The following GPR158 variants were observed in gnomAD, a reference collection of about 807,000 sequenced individuals.
GPR158 encodes the protein G protein-coupled receptor 158, also known as metabotropic glycine receptor.
Under a neutral mutation model 78.2 loss-of-function variants are expected in GPR158, and 30 were observed. That is an observed-to-expected ratio of 0.38 (90% CI 0.29 to 0.52). The LOEUF (loss-of-function observed/expected upper bound fraction) is 0.52. GPR158 is among the 20% of genes least tolerant of loss of function. GPR158 has a pLI of 0.83. For synonymous variants in GPR158, 581 were observed against 591.1 expected, an observed-to-expected ratio of 0.98 and a Z score of 0.25; for missense variants, 1,463 against 1,523.5, an observed-to-expected ratio of 0.96 and a Z score of 0.66.
At chr10:25,310,230 C>T (rs557188473) in intron 2 of GPR158, among the ~76,000 whole-genome samples, 108 of 152,274 alleles carry the variant, frequency 7.1e-4, no homozygotes, top group African/African-American at 2.3e-3. Flanking sequence ...TTCATATCTG[C>T]GCTCTCTGTT....
chr10:25,396,073 G>A (rs997586740), intron 3 of GPR158, 60 bp downstream of exon 3: 33 of 718,136 alleles, frequency 4.6e-5, no homozygotes, highest in Middle Eastern at 3.2e-4. Context: ...CTATTATTAC[G>A]AAGATTTTCT....
At chr10:25,259,983 G>A (rs1853946054) in intron 2 of GPR158, among the ~76,000 whole-genome samples, 1 of 151,824 alleles carries the variant, frequency 6.6e-6, no homozygotes, top group Non-Finnish European at 1.5e-5. Flanking sequence ...TATTGTCTGT[G>A]TATAATGACA....
chr10:25,599,380 T>C lies in GPR158; in HGVS notation c.*106T>C. On this transcript the variant is annotated 3_prime_UTR_variant, in exon 11 of 11. Transcript: ENST00000376351. Reference sequence around the variant, plus strand: ...GAGGATTTGTCAATCAAGGAAAACATGACAGATGGTGAGGTAAAGTCAAAG... The same window carrying C: ...GAGGATTTGTCAATCAAGGAAAACACGACAGATGGTGAGGTAAAGTCAAAG... 1 of 872,646 alleles carries C rather than the reference T, an allele frequency of 1.1e-6. No homozygotes were observed. The highest frequency in any genetic ancestry group is 2.5e-5 in the East Asian group (1 of 40,452). The allele number at this position is 872,646 out of a possible 1,614,324, so 54.1% of individuals were successfully genotyped here.
chr10:25,320,065 C>T (rs1224357417), intron 2 of GPR158, among the ~76,000 whole-genome samples: 1 of 152,152 alleles, frequency 6.6e-6, no homozygotes, highest in East Asian at 1.9e-4. Context: ...CCAGCCCCGT[C>T]GAGTCACACT....
At chr10:25,185,779 C>T (rs190640980) in intron 1 of GPR158, among the ~76,000 whole-genome samples, 57 of 151,872 alleles carry the variant, frequency 3.8e-4, no homozygotes, top group African/African-American at 1.3e-3. Flanking sequence ...GCCGAGATGG[C>T]ACCACTGCAC....
At chr10:25,502,401 T>C (rs942773690) in intron 5 of GPR158, among the ~76,000 whole-genome samples, 1 of 152,096 alleles carries the variant, frequency 6.6e-6, no homozygotes. Flanking sequence ...AACTGTGGGG[T>C]ACAACCAAAA....
At chr10:25,434,461 A>G (rs1197868739) in intron 4 of GPR158, among the ~76,000 whole-genome samples, 3 of 152,240 alleles carry the variant, frequency 2.0e-5, no homozygotes, top group Non-Finnish European at 4.4e-5. Flanking sequence ...TGAGACATAA[A>G]TCGTTGGTGG....
At chr10:25,354,599 A>G (rs900418409) in intron 2 of GPR158, among the ~76,000 whole-genome samples, 11 of 152,124 alleles carry the variant, frequency 7.2e-5, no homozygotes, top group Non-Finnish European at 1.6e-4. Context: ...ATTGCATACT[A>G]CAATTCCAGT....
intron 7 of GPR158, among the ~76,000 whole-genome samples, chr10:25,577,007 A>AAAAAT (rs1837109043): frequency 6.6e-6 from 1 of 150,442 alleles, no homozygotes; most frequent in Non-Finnish European, 1.5e-5. Flanking sequence ...CATAATTTTA[A>AAAAAT]AAAATAATAT....
chr10:25,497,458 G>T (rs1313990732), intron 5 of GPR158, among the ~76,000 whole-genome samples: 1 of 152,184 alleles, frequency 6.6e-6, no homozygotes, highest in African/African-American at 2.4e-5. Flanking sequence ...AGTTGAATTT[G>T]ACAATAGGGA....
chr10:25,317,182 T>G (rs1196133834), intron 2 of GPR158, among the ~76,000 whole-genome samples: 5 of 151,830 alleles, frequency 3.3e-5, no homozygotes, highest in Admixed American at 3.3e-4. Context: ...GTAATTGGGA[T>G]TACAGGCAGG....
chr10:25,306,832 C>T (rs1854682817), intron 2 of GPR158, among the ~76,000 whole-genome samples: 3 of 152,048 alleles, frequency 2.0e-5, no homozygotes, highest in African/African-American at 7.2e-5. Flanking sequence ...CATTTTTCAC[C>T]TGGTCTAATG....
intron 6 of GPR158, among the ~76,000 whole-genome samples, chr10:25,556,770 C>T (rs937218444): frequency 5.3e-5 from 8 of 152,178 alleles, no homozygotes; most frequent in African/African-American, 1.9e-4. Flanking sequence ...CATACACCCA[C>T]GCTTCAGATA....
At chr10:25,292,696 G>A (rs2130766223) in intron 2 of GPR158, among the ~76,000 whole-genome samples, 1 of 152,194 alleles carries the variant, frequency 6.6e-6, no homozygotes. Flanking sequence ...ATTGTACAAA[G>A]TTGAGCCAAA....
intron 5 of GPR158, among the ~76,000 whole-genome samples, chr10:25,550,049 C>T (rs1836708492): frequency 6.6e-6 from 1 of 152,148 alleles, no homozygotes; most frequent in Admixed American, 6.6e-5. Context: ...CAAACCAATT[C>T]TTATTCTACA....
intron 2 of GPR158, among the ~76,000 whole-genome samples, chr10:25,331,215 C>T (rs1172428383): frequency 6.6e-6 from 1 of 152,198 alleles, no homozygotes; most frequent in Non-Finnish European, 1.5e-5. Flanking sequence ...GCTGGGATTA[C>T]AGGTGTGAAC....
chr10:25,573,117 A>G (rs1460060604), intron 7 of GPR158, among the ~76,000 whole-genome samples: 1 of 152,220 alleles, frequency 6.6e-6, no homozygotes, highest in Non-Finnish European at 1.5e-5. Context: ...AAATGTAATC[A>G]AATAAATCAG....
intron 5 of GPR158, among the ~76,000 whole-genome samples, chr10:25,467,765 G>A (rs1326854969): frequency 6.6e-6 from 1 of 152,056 alleles, no homozygotes; most frequent in East Asian, 1.9e-4. Flanking sequence ...GGGGCAAAGC[G>A]GGCTGCTTGA....
intron 4 of GPR158, among the ~76,000 whole-genome samples, chr10:25,435,763 C>T (rs2130582436): frequency 6.6e-6 from 1 of 152,272 alleles, no homozygotes; most frequent in East Asian, 1.9e-4. Flanking sequence ...TCTAGCTGCA[C>T]TGTAGAGAAT....
Sources: allele counts gnomAD v4.1 joint callset (sites outside exome capture counted in the v4.1 genomes callset), GRCh38; gene constraint gnomAD v4.1.1; transcripts MANE v1.5; gene names NCBI Gene and HGNC (gene_info 2026-07-23, HGNC 2026-07-21).